ST7: variants seen among roughly 807,000 people sequenced by gnomAD.
ST7 encodes the protein suppression of tumorigenicity 7.
Under a neutral mutation model 78.7 loss-of-function variants are expected in ST7, and 28 were observed. That is an observed-to-expected ratio of 0.36 (90% CI 0.26 to 0.49). The LOEUF is 0.49. Ranked by LOEUF, ST7 falls within the 20% of genes least tolerant of loss-of-function variation. The pLI, the probability that ST7 is intolerant of heterozygous loss-of-function variation, is 0.99. For synonymous variants in ST7, 247 were observed against 249.6 expected (o/e 0.99, Z 0.10); for missense variants, 418 against 696.0 (o/e 0.60, Z 4.49).
intron 1 of ST7, chr7:116,968,380 T>C: frequency 2.3e-6 from 1 of 437,742 alleles, no homozygotes; most frequent in Non-Finnish European, 4.6e-6. Flanking sequence ...TTCCTTCTTT[T>C]TGCTTCTTCT....
chr7:117,160,681 T>G (rs1807074566), intron 9 of ST7, among the ~76,000 whole-genome samples: 1 of 145,078 alleles, frequency 6.9e-6, no homozygotes, highest in African/African-American at 2.8e-5. Context: ...ATATATGTAT[T>G]TATTCTCTTT....
intron 12 of ST7, among the ~76,000 whole-genome samples, chr7:117,197,958 C>T (rs568262392): frequency 5.9e-5 from 9 of 152,150 alleles, no homozygotes; most frequent in Non-Finnish European, 1.2e-4. Context: ...GTGGCATACT[C>T]TACTTGGGAG....
intron 1 of ST7, among the ~76,000 whole-genome samples, chr7:117,077,110 G>C (rs73477369): frequency 6.6e-6 from 1 of 152,096 alleles, no homozygotes; most frequent in Admixed American, 6.5e-5. Flanking sequence ...AAGTAATGTC[G>C]TCAAGCTGTG....
At chr7:117,193,547 C>T (rs1158160266) in intron 12 of ST7, among the ~76,000 whole-genome samples, 1 of 152,162 alleles carries the variant, frequency 6.6e-6, no homozygotes, top group Non-Finnish European at 1.5e-5. Context: ...GAGCCAGAAC[C>T]AATTCTGGGT....
At chr7:117,001,958 G>C (rs887847127) in intron 1 of ST7, among the ~76,000 whole-genome samples, 3 of 152,144 alleles carry the variant, frequency 2.0e-5, no homozygotes, top group African/African-American at 4.8e-5. Context: ...AGGCGTGGTG[G>C]CTCACGCCTG....
chr7:117,216,907 C>CA (rs1205059463), intron 13 of ST7, among the ~76,000 whole-genome samples: 1 of 152,076 alleles, frequency 6.6e-6, no homozygotes, highest in Admixed American at 6.6e-5. Context: ...TGTACACATG[C>CA]ACTCTTTTTA....
intron 15 of ST7, among the ~76,000 whole-genome samples, chr7:117,227,389 TG>T (rs1029334751): frequency 2.0e-5 from 3 of 152,192 alleles, no homozygotes; most frequent in Admixed American, 2.0e-4. Context: ...AATATCACCT[TG>T]TTTATTAAGC....
intron 13 of ST7, among the ~76,000 whole-genome samples, chr7:117,217,698 G>GT (rs971476128): frequency 3.9e-5 from 6 of 152,188 alleles, no homozygotes; most frequent in African/African-American, 1.4e-4. Flanking sequence ...AGTCTGGGGT[G>GT]TTTTTAATGT....
At chr7:117,227,348 G>A (rs1484952234) in intron 15 of ST7, among the ~76,000 whole-genome samples, 1 of 152,132 alleles carries the variant, frequency 6.6e-6, no homozygotes, top group Non-Finnish European at 1.5e-5. Context: ...ATCTGTTTTT[G>A]GCCAAGTCTT....
chr7:117,131,865 T>C lies in ST7; in HGVS notation c.566-20T>C. 6.2e-7 allele frequency: 1 copy of C among 1,606,564 alleles called. No homozygotes were observed. Among genetic ancestry groups the C allele is most frequent in the Non-Finnish European group, 8.5e-7 (1 of 1,174,234 alleles). ...TTATATGTATGGATTGACTTGGTGT[T>C]TTCTCTTTTTCTTAAATAGTAATGC... On this transcript the variant is annotated intron_variant, in intron 5 of 15. Transcript: ENST00000323984.
At chr7:117,155,998 T>G (rs1419550586) in intron 9 of ST7, among the ~76,000 whole-genome samples, 1 of 152,214 alleles carries the variant, frequency 6.6e-6, no homozygotes, top group Non-Finnish European at 1.5e-5. Flanking sequence ...TGTTTATGTG[T>G]CACCTTGCAA....
chr7:117,070,647 TCTC>T (rs1255247892), intron 1 of ST7, among the ~76,000 whole-genome samples: 11 of 151,948 alleles, frequency 7.2e-5, no homozygotes, highest in African/African-American at 2.7e-4. Context: ...TTCACGCCAT[TCTC>T]CTGCCTCAGC....
At position 116,972,879 on chromosome 7, in the gene ST7, C is replaced by T. The variant is rs1793503175; in HGVS notation, c.151+19188C>T. Reference sequence around the variant, plus strand: ...GCTGCTGCAGAACCTGGATATTGCCCTTAACCGCCTCGATGGTGGTGATCC... The same window carrying T: ...GCTGCTGCAGAACCTGGATATTGCCTTTAACCGCCTCGATGGTGGTGATCC... On this transcript the variant is annotated intron_variant, in intron 1 of 15. Transcript: ENST00000323984. 6.1e-6 allele frequency: 8 copies of T among 1,306,802 alleles called. No individual in the cohort carries two copies. The Admixed American group carries it at 1.4e-4, about 22-fold the overall frequency. 81.0% of individuals were successfully genotyped at this position (1,306,802 alleles called of 1,614,324 possible). A position where few individuals can be genotyped will look rare whatever the true frequency, so the allele number is the denominator to read the frequency against.
At chr7:117,155,458 A>C (rs1013756015) in intron 9 of ST7, among the ~76,000 whole-genome samples, 3 of 152,200 alleles carry the variant, frequency 2.0e-5, no homozygotes, top group African/African-American at 7.2e-5. Flanking sequence ...GAGAGCAGGA[A>C]TGGAGGCAGG....
chr7:117,167,502 A>T (rs906026696), intron 9 of ST7, among the ~76,000 whole-genome samples: 8 of 151,874 alleles, frequency 5.3e-5, no homozygotes, highest in Non-Finnish European at 1.2e-4. Flanking sequence ...GGAAATTATC[A>T]TCTCAGTATT....
chr7:117,040,231 G>A (rs1797136385), intron 1 of ST7, among the ~76,000 whole-genome samples: 1 of 152,068 alleles, frequency 6.6e-6, no homozygotes, highest in Non-Finnish European at 1.5e-5. Flanking sequence ...AGTTAGCCAG[G>A]CTTGGTGGCA....
At chr7:117,001,337 A>G (rs2116446173) in intron 1 of ST7, among the ~76,000 whole-genome samples, 1 of 152,318 alleles carries the variant, frequency 6.6e-6, no homozygotes, top group South Asian at 2.1e-4. Flanking sequence ...GCCTGAAAAA[A>G]ACATAGAAAA....
intron 1 of ST7, chr7:117,098,569 G>A (rs1250853362): frequency 1.1e-5 from 3 of 275,404 alleles, no homozygotes; most frequent in Admixed American, 5.2e-5. Flanking sequence ...AACTGTGTCT[G>A]ATTCATTCTT....
chr7:117,131,769 A>G (rs529570853), intron 5 of ST7, 116 bp from the exon 6 acceptor site: 12 of 921,152 alleles, frequency 1.3e-5, no homozygotes, highest in South Asian at 3.0e-5. Context: ...CCCTCTTAGC[A>G]ATGAAATATG....
Sources: allele counts gnomAD v4.1 joint callset (sites outside exome capture counted in the v4.1 genomes callset), GRCh38; gene constraint gnomAD v4.1.1; transcripts MANE v1.5; gene names NCBI Gene and HGNC (gene_info 2026-07-23, HGNC 2026-07-21).